The following SETD5 variants were observed in gnomAD, a reference collection of about 807,000 sequenced individuals.
SETD5 encodes the protein histone-lysine N-methyltransferase SETD5.
In SETD5, 44 loss-of-function variants were observed where a neutral mutation model predicts 153.3. The observed-to-expected ratio is 0.29, with a 90% CI of 0.23 to 0.37. The LOEUF (loss-of-function observed/expected upper bound fraction) is 0.37, where lower values mean the gene tolerates loss of function less well. Among genes scored for constraint, SETD5 ranks in the 10% least tolerant of loss-of-function variants. SETD5 has a pLI of 1.00. For synonymous variants in SETD5, 716 were observed against 645.2 expected, an observed-to-expected ratio of 1.11 and a Z score of -1.66; for missense variants, 1,544 against 1,768.0, an observed-to-expected ratio of 0.87 and a Z score of 2.27.
At chr3:9,438,296 G>C (rs926993051) in intron 7 of SETD5, among the ~76,000 whole-genome samples, 1 of 152,060 alleles carries the variant, frequency 6.6e-6, no homozygotes, top group African/African-American at 2.4e-5. Flanking sequence ...CTTTATTTTT[G>C]TCTCATTTGC....
Position 9,436,969 on chromosome 3 carries a change from G to T in SETD5, c.567+1063G>T, listed in dbSNP as rs1046111412. ...GGTCAGCTTCTTTCCTGACATTGAT[G>T]GTCTGGGAATCTTGGACTCTGCTTT... is the stretch of plus-strand genomic sequence containing the variant. On this transcript the variant is annotated intron_variant, in intron 7 of 22. Transcript: ENST00000402198. 8.6e-5 allele frequency: 111 copies of T among 1,287,188 alleles called. 3 individuals carry two copies. In the South Asian group the frequency reaches 1.3e-3, roughly 15 times the overall value. The allele number at this position is 1,287,188 out of a possible 1,614,324, so 79.7% of individuals were successfully genotyped here.
intron 18 of SETD5, among the ~76,000 whole-genome samples, 190 bp from the exon 19 acceptor site, chr3:9,470,269 A>G (rs1275486804): frequency 6.6e-6 from 1 of 152,170 alleles, no homozygotes; most frequent in Non-Finnish European, 1.5e-5. Flanking sequence ...AAAGGCCAGG[A>G]TTCTTTAGTA....
chr3:9,447,602 T>G, intron 14 of SETD5, 84 bp from the exon 15 acceptor site: 1 of 1,427,546 alleles, frequency 7.0e-7, no homozygotes. Flanking sequence ...CAGTAGACAT[T>G]CTGAATGCTT....
At chr3:9,421,284 A>G (rs539784109) in intron 1 of SETD5, among the ~76,000 whole-genome samples, 10 of 152,140 alleles carry the variant, frequency 6.6e-5, no homozygotes, top group Middle Eastern at 3.4e-3. Context: ...AACTCCTAAT[A>G]TAGTGCCTTT....
intron 16 of SETD5, among the ~76,000 whole-genome samples, chr3:9,450,375 G>A (rs1391879777): frequency 1.3e-5 from 2 of 152,162 alleles, no homozygotes; most frequent in African/African-American, 4.8e-5. Flanking sequence ...GCATACACAG[G>A]ATTATCATAA....
At position 9,445,683 on chromosome 3, in the gene SETD5, A is replaced by G; in HGVS notation, c.1467A>G (p.Pro489=). The G allele has an allele frequency of 1.2e-6, 2 of 1,613,630 alleles. No homozygotes were observed. The highest frequency in any genetic ancestry group is 2.2e-5 in the East Asian group (1 of 44,860). The change falls in exon 13 of 23, where the codon CCA becomes CCG. Residue 489 remains proline (P), a synonymous_variant. Coordinates refer to ENST00000402198, the MANE Select transcript of SETD5 (RefSeq NM_001080517.3). The part of the protein sequence containing the change: ...HEEVDNPEEK[P]EEEKEEVIDD... ...AAGTAGACAATCCAGAAGAAAAACC[A>G]GAAGAAGAGAAAGAAGAGGTTATAG... is the stretch of plus-strand genomic sequence containing the variant.
At chr3:9,472,281 A>T (rs890613558) in intron 19 of SETD5, among the ~76,000 whole-genome samples, 1 of 152,246 alleles carries the variant, frequency 6.6e-6, no homozygotes, top group Non-Finnish European at 1.5e-5. Context: ...AGCCAGATAA[A>T]CTTGGCCTTT....
At chr3:9,433,335 T>C in intron 3 of SETD5, 1 of 1,269,936 alleles carries the variant, frequency 7.9e-7, no homozygotes, top group Non-Finnish European at 1.0e-6. Context: ...ATGATAAATA[T>C]AAGATGCCAT....
At chr3:9,446,306 A>AAAAAAAAAAAAAAAC (rs1553624517) in intron 13 of SETD5, among the ~76,000 whole-genome samples, 1 of 120,178 alleles carries the variant, frequency 8.3e-6, no homozygotes, top group Non-Finnish European at 1.6e-5. Context: ...AAAAAAAAAA[A>AAAAAAAAAAAAAAAC]AATCTGGTTT....
Position 9,447,812 on chromosome 3 carries a change from A to G in SETD5, c.1909A>G (p.Asn637Asp). The change falls in exon 15 of 23, where the codon AAT becomes GAT. Residue 637 changes from asparagine to aspartate, a missense_variant. By Grantham distance (23) the Asn-to-Asp change is conservative. Around this residue, in one of 9 missense-constraint regions of SETD5, gnomAD observed 782 missense variants for 787.2 expected, o/e 0.99. Coordinates refer to ENST00000402198, the MANE Select transcript of SETD5 (RefSeq NM_001080517.3). ...AAGACTAAAGCGTCAGAAGCAGGCC[A>G]ATGCACAGCAGGCAGAATTGTCACA... Reference protein sequence around the residue: ...AQRLKRQKQANAQQAELSQAA... With the variant: ...AQRLKRQKQADAQQAELSQAA... 1 of 1,614,044 alleles carries G rather than the reference A, an allele frequency of 6.2e-7. No homozygotes were observed. The highest frequency in any genetic ancestry group is 8.5e-7 in the Non-Finnish European group (1 of 1,179,896).
intron 7 of SETD5, among the ~76,000 whole-genome samples, chr3:9,438,033 C>CT (rs2040800012): frequency 6.6e-6 from 1 of 151,932 alleles, no homozygotes; most frequent in Non-Finnish European, 1.5e-5. Flanking sequence ...TAAGGATAAG[C>CT]TTTTTAGGAT....
At chr3:9,430,483 C>A in intron 3 of SETD5, 1 of 376,600 alleles carries the variant, frequency 2.7e-6, no homozygotes, top group Non-Finnish European at 3.7e-6. Flanking sequence ...TTAGTTATGT[C>A]AGTAACTGAG....
Position 9,434,509 on chromosome 3 carries a change from T to A in SETD5, c.329+24T>A, listed in dbSNP as rs1480556511. ...AGGTAAGATCCTGTTCCATCTAAATTTAAGTCTGGGTTGCTGGGATTAGGG... is the reference window on the plus strand; with the variant it reads ...AGGTAAGATCCTGTTCCATCTAAATATAAGTCTGGGTTGCTGGGATTAGGG... On this transcript the variant is annotated intron_variant, in intron 5 of 22. Transcript: ENST00000402198. The surrounding 1 kb of genome is among the most constrained non-coding windows in gnomAD (Gnocchi z 5.6). 2 of 1,613,600 alleles carry A rather than the reference T, an allele frequency of 1.2e-6. No individual in the cohort carries two copies. Among genetic ancestry groups the A allele is most frequent in the Non-Finnish European group, 8.5e-7 (1 of 1,179,722 alleles).
At chr3:9,414,328 T>C (rs2037087100) in intron 1 of SETD5, among the ~76,000 whole-genome samples, 2 of 152,184 alleles carry the variant, frequency 1.3e-5, no homozygotes, top group South Asian at 4.1e-4. Context: ...TCTCAGTAAA[T>C]TCTTAAGAAA....
intron 1 of SETD5, among the ~76,000 whole-genome samples, chr3:9,422,922 G>A (rs2038621001): frequency 6.6e-6 from 1 of 152,204 alleles, no homozygotes; most frequent in Admixed American, 6.5e-5. Context: ...ACTGTCTGAA[G>A]CATATGAGGC....
At chr3:9,431,987 CTTTCT>C (rs2040019446) in intron 3 of SETD5, 1 of 153,426 alleles carries the variant, frequency 6.5e-6, no homozygotes, top group South Asian at 2.1e-4. Flanking sequence ...AAATTTATTA[CTTTCT>C]TTTAACTGTC....
chr3:9,445,566 A>G, intron 12 of SETD5, 91 bp from the exon 13 acceptor site: 8 of 1,158,296 alleles, frequency 6.9e-6, no homozygotes, highest in South Asian at 4.2e-5. Context: ...AGCACTAGAG[A>G]TTGTTATAGA....
At chr3:9,443,262 G>A in intron 10 of SETD5, 46 bp from the exon 11 acceptor site, 2 of 1,389,636 alleles carry the variant, frequency 1.4e-6, no homozygotes, top group Non-Finnish European at 2.0e-6. Context: ...CTTACGGAAA[G>A]TTCATGGTCT....
At chr3:9,431,581 G>C in intron 3 of SETD5, 1 of 985,688 alleles carries the variant, frequency 1.0e-6, no homozygotes, top group Non-Finnish European at 1.2e-6. Flanking sequence ...TTCATCAGAA[G>C]ATATGAGTTT....
Sources: gnomAD v4.1 joint callset for allele counts (sites outside exome capture counted in the v4.1 genomes callset) on GRCh38, gnomAD v4.1.1 for gene constraint, gnomAD v4.1.1 regional missense constraint, Gnocchi (gnomAD v3.1) non-coding constraint, MANE v1.5 for transcripts, NCBI Gene and HGNC (gene_info 2026-07-23, HGNC 2026-07-21) for gene names.